GNG7: variants seen among roughly 807,000 people sequenced by gnomAD.
GNG7 encodes the protein G protein subunit gamma 7, also known as guanine nucleotide-binding protein G(I)/G(S)/G(O) subunit gamma-7.
A neutral mutation model predicts 4.0 loss-of-function variants in GNG7; 1 was observed. That is an observed-to-expected ratio of 0.25 (90% confidence interval 0.09 to 1.18). GNG7 has a LOEUF of 1.18. GNG7 is among the 50% of genes most tolerant of loss of function. GNG7 has a pLI of 0.50. For synonymous variants in GNG7, 34 were observed against 36.9 expected (o/e 0.92, Z 0.29); for missense variants, 86 against 91.9 (o/e 0.94, Z 0.26).
chr19:2,683,187 C>T (rs527979536), intron 1 of GNG7, among the ~76,000 whole-genome samples: 8 of 151,568 alleles, frequency 5.3e-5, no homozygotes, highest in South Asian at 4.2e-4. Context: ...TGCAGTGAGC[C>T]GAGATTGTGC....
At chr19:2,630,219 C>T (rs187226398) in intron 2 of GNG7, among the ~76,000 whole-genome samples, 6 of 152,188 alleles carry the variant, frequency 3.9e-5, no homozygotes, top group East Asian at 3.9e-4. Context: ...TGAGGCCGAA[C>T]GCAGGCCCCC....
chr19:2,598,677 A>AAATAAT lies in GNG7; in HGVS notation c.-77-43495_-77-43490dup, dbSNP rs56068932. On this transcript the variant is annotated intron_variant, in intron 2 of 4. Transcript: ENST00000382159. ...GTCTCAAAAAAAATGAAAAGTAATA[A>AAATAAT]AATAATAATAATAATAATAATAATA... Among the ~76,000 whole-genome samples the AAATAAT allele has an allele frequency of 3.5e-3, 493 of 140,998 alleles. 1 individual carries two copies. The highest frequency in any genetic ancestry group is 6.0e-3 in the East Asian group (29 of 4,838). 92.5% of individuals were successfully genotyped at this position (140,998 alleles called of 152,430 possible). A position where few individuals can be genotyped will look rare whatever the true frequency, so the allele number is the denominator to read the frequency against.
chr19:2,555,662 G>A (rs767131429), intron 2 of GNG7, among the ~76,000 whole-genome samples: 2 of 152,166 alleles, frequency 1.3e-5, no homozygotes, highest in Non-Finnish European at 2.9e-5. Flanking sequence ...AATTAACCCC[G>A]AATGGAGGAA....
At position 2,674,852 on chromosome 19, in the gene GNG7, C is replaced by T. The variant is rs141251165; in HGVS notation, c.-135+27794G>A. Among the ~76,000 whole-genome samples the T allele has an allele frequency of 7.8e-4, 119 of 152,302 alleles. 2 individuals carry two copies. The East Asian group carries it at 0.023, about 29-fold the overall frequency. ...TCGTAACTCGCATTTCCACCCTCGA[C>T]AGCGCCGACTCCATCGGGCAGCTTT... is the stretch of plus-strand genomic sequence containing the variant. On this transcript the variant is annotated intron_variant, in intron 1 of 4. Transcript: ENST00000382159.
chr19:2,523,506 A>G lies in GNG7; in HGVS notation c.-37-2781T>C, dbSNP rs372840595. 2.0e-5 allele frequency among the ~76,000 whole-genome samples: 3 copies of G among 152,198 alleles called. No homozygotes were observed. The South Asian group carries it at 6.2e-4, about 32-fold the overall frequency. On this transcript the variant is annotated intron_variant, in intron 3 of 4. Coordinates refer to ENST00000382159, the MANE Select transcript of GNG7 (RefSeq NM_052847.3). Reference sequence around the variant, plus strand: ...AGGTTGAGGCCAGACTGGGCAATTTAGTGAGACCCCATCTCTGAATAAATA... The same window carrying G: ...AGGTTGAGGCCAGACTGGGCAATTTGGTGAGACCCCATCTCTGAATAAATA...
intron 1 of GNG7, among the ~76,000 whole-genome samples, chr19:2,690,284 A>G (rs1030945665): frequency 6.6e-6 from 1 of 152,134 alleles, no homozygotes; most frequent in African/African-American, 2.4e-5. Context: ...CGGGAGGCTG[A>G]GGCAGGAGAA....
At chr19:2,650,183 CTTT>C (rs529803793) in intron 1 of GNG7, among the ~76,000 whole-genome samples, 66 of 125,982 alleles carry the variant, frequency 5.2e-4, no homozygotes, top group Middle Eastern at 4.1e-3. Context: ...TCATAGGAAT[CTTT>C]TTTTTTTTTT....
intron 2 of GNG7, among the ~76,000 whole-genome samples, chr19:2,583,532 T>A (rs558807691): frequency 8.5e-4 from 129 of 152,228 alleles, no homozygotes; most frequent in Non-Finnish European, 1.6e-3. Context: ...GTGCAGGTGC[T>A]GGGGGCTGGT....
chr19:2,655,324 G>A (rs118063011), intron 1 of GNG7, among the ~76,000 whole-genome samples: 3 of 152,072 alleles, frequency 2.0e-5, no homozygotes, highest in South Asian at 2.1e-4. Flanking sequence ...ATGAAAAAAC[G>A]CTGAAGATCA....
At chr19:2,547,357 G>C (rs1025635866) in intron 3 of GNG7, among the ~76,000 whole-genome samples, 19 of 152,050 alleles carry the variant, frequency 1.2e-4, no homozygotes, top group Non-Finnish European at 5.9e-5. Context: ...GGCTCCAGGG[G>C]AGAATCTCTT....
At chr19:2,655,937 A>G (rs1329099497) in intron 1 of GNG7, among the ~76,000 whole-genome samples, 1 of 149,836 alleles carries the variant, frequency 6.7e-6, no homozygotes, top group African/African-American at 2.5e-5. Context: ...AGGCAGGAGA[A>G]TCACTTGAAC....
chr19:2,589,226 C>A (rs1233920888), intron 2 of GNG7, among the ~76,000 whole-genome samples: 2 of 145,814 alleles, frequency 1.4e-5, no homozygotes, highest in Admixed American at 1.4e-4. Flanking sequence ...CCACGCCCGG[C>A]CGTCTCTTTC....
chr19:2,578,815 T>C (rs896067635), intron 2 of GNG7, among the ~76,000 whole-genome samples: 13 of 151,878 alleles, frequency 8.6e-5, no homozygotes, highest in African/African-American at 2.9e-4. Flanking sequence ...CATGCACAAG[T>C]AGGGAAACCG....
intron 1 of GNG7, among the ~76,000 whole-genome samples, chr19:2,687,387 C>T (rs1218437819): frequency 3.9e-5 from 6 of 152,012 alleles, no homozygotes; most frequent in East Asian, 3.9e-4. Context: ...GAGGCCGAGG[C>T]GGGTGGATCA....
chr19:2,526,235 G>A (rs1384085584), intron 3 of GNG7, among the ~76,000 whole-genome samples: 3 of 151,682 alleles, frequency 2.0e-5, no homozygotes, highest in Non-Finnish European at 2.9e-5. Context: ...CTCCCAGAGT[G>A]CTGGGATTAA....
chr19:2,580,286 ATTTTTTTTTT>A (rs5826774), intron 2 of GNG7, among the ~76,000 whole-genome samples: 35,560 of 133,590 alleles, frequency 0.27, 5,391 homozygotes, highest in African/African-American at 0.45. Context: ...GTCTGGTTCT[ATTTTTTTTTT>A]TTTTTTTTTT....
chr19:2,547,079 C>CA (rs34643959), intron 3 of GNG7, among the ~76,000 whole-genome samples: 12,217 of 151,122 alleles, frequency 0.081, 619 homozygotes, highest in South Asian at 0.16. Context: ...CGCATGCCCC[C>CA]CCCCCAGAAA....
rs1308655108 is a variant in GNG7, at chr19:2,514,324, A to T, written c.*698T>A. On this transcript the variant is annotated 3_prime_UTR_variant, in exon 5 of 5. Coordinates refer to ENST00000382159, the MANE Select transcript of GNG7 (RefSeq NM_052847.3). Reference sequence around the variant, plus strand: ...CCTGCAGAAAGGACCCATGGCTAACATCATGCAGGGGAGTCACACTTGGCA... The same window carrying T: ...CCTGCAGAAAGGACCCATGGCTAACTTCATGCAGGGGAGTCACACTTGGCA... 6.6e-6 allele frequency: 1 copy of T among 152,408 alleles called. No individual in the cohort carries two copies. The highest frequency in any genetic ancestry group is 1.5e-5 in the Non-Finnish European group (1 of 68,276). 9.4% of individuals were successfully genotyped at this position (152,408 alleles called of 1,614,324 possible).
intron 2 of GNG7, among the ~76,000 whole-genome samples, chr19:2,608,910 T>C (rs908977566): frequency 6.6e-5 from 10 of 152,220 alleles, no homozygotes; most frequent in Non-Finnish European, 1.5e-5. Context: ...GAGGTAAGGT[T>C]TGCATAATGT....
Sources: allele counts gnomAD v4.1 joint callset (sites outside exome capture counted in the v4.1 genomes callset), GRCh38; gene constraint gnomAD v4.1.1; transcripts MANE v1.5; gene names NCBI Gene and HGNC (gene_info 2026-07-23, HGNC 2026-07-21).